Variants in EML5 observed in about 807,000 individuals in gnomAD.
EML5 encodes echinoderm microtubule-associated protein-like 5.
Under a neutral mutation model 250.0 loss-of-function variants are expected in EML5, and 120 were observed. The observed-to-expected ratio is 0.48, with a 90% CI of 0.41 to 0.56. The LOEUF (loss-of-function observed/expected upper bound fraction) is 0.56. EML5 is among the 20% of genes least tolerant of loss of function. The pLI is 0.00. For missense variants in EML5, 2,006 were observed against 2,437.6 expected (o/e 0.82, Z 3.73); for synonymous variants, 771 against 806.5 (o/e 0.96, Z 0.75).
In EML5 at chr14:88,638,225, G is replaced by T. The variant is rs1254431547; in HGVS notation, c.4336+584C>A. Among the ~76,000 whole-genome samples the T allele has an allele frequency of 2.6e-5, 4 of 152,186 alleles. No individual in the cohort carries two copies. In the East Asian group the frequency reaches 7.7e-4, roughly 29 times the overall value. ...AAACAGACCTGCCATCCTCTCATCA[G>T]TTTGGCTGTAGAGTTATGGCCTTTG... On this transcript the variant is annotated intron_variant, in intron 32 of 43. Coordinates refer to ENST00000554922, the MANE Select transcript of EML5 (RefSeq NM_183387.3).
intron 1 of EML5, among the ~76,000 whole-genome samples, chr14:88,778,953 A>C (rs1039939424): frequency 1.3e-5 from 2 of 152,144 alleles, no homozygotes; most frequent in Non-Finnish European, 2.9e-5. Context: ...CTTTCAAATG[A>C]GTTAGGAGCC....
At chr14:88,702,083 A>G (rs2093223465) in intron 14 of EML5, among the ~76,000 whole-genome samples, 1 of 152,172 alleles carries the variant, frequency 6.6e-6, no homozygotes, top group Non-Finnish European at 1.5e-5. Flanking sequence ...GGTTTGTCAC[A>G]GGACATTTGT....
chr14:88,645,250 T>C (rs2091291115), intron 29 of EML5, among the ~76,000 whole-genome samples: 1 of 152,184 alleles, frequency 6.6e-6, no homozygotes, highest in South Asian at 2.1e-4. Flanking sequence ...GGTTTGGAAT[T>C]CCTGGCCTCA....
chr14:88,708,329 C>A (rs544647732), intron 10 of EML5, among the ~76,000 whole-genome samples: 6 of 152,120 alleles, frequency 3.9e-5, no homozygotes, highest in Admixed American at 1.3e-4. Context: ...TCTGTGATTA[C>A]CCCTTGTGAT....
chr14:88,656,309 C>T (rs28411260), intron 27 of EML5, among the ~76,000 whole-genome samples: 1 of 152,112 alleles, frequency 6.6e-6, no homozygotes, highest in Admixed American at 6.6e-5. Flanking sequence ...GAGTTCATGT[C>T]CTTTGCAGGG....
intron 32 of EML5, among the ~76,000 whole-genome samples, chr14:88,636,207 T>C (rs2090715991): frequency 6.6e-6 from 1 of 152,042 alleles, no homozygotes; most frequent in South Asian, 2.1e-4. Context: ...GCAGGGCCAT[T>C]AGTAGGTTCA....
At chr14:88,635,112 T>C (rs1877087082) in intron 32 of EML5, among the ~76,000 whole-genome samples, 1 of 152,162 alleles carries the variant, frequency 6.6e-6, no homozygotes, top group Admixed American at 6.5e-5. Flanking sequence ...GTGGTAGAAA[T>C]ACCTAATAAC....
intron 10 of EML5, among the ~76,000 whole-genome samples, chr14:88,710,045 C>T (rs761542688): frequency 1.3e-5 from 2 of 152,134 alleles, no homozygotes; most frequent in African/African-American, 2.4e-5. Context: ...GATGGGCTAA[C>T]GTAACTCTGC....
intron 3 of EML5, among the ~76,000 whole-genome samples, chr14:88,745,167 T>TTGTTTGTTTGTGTGTGTGTG (rs148282706): frequency 0.04 from 5,824 of 145,174 alleles, 160 homozygotes; most frequent in African/African-American, 0.076. Flanking sequence ...AATTGTGTGT[T>TTGTTTGTTTGTGTGTGTGTG]TGTGTGTGTG....
intron 10 of EML5, among the ~76,000 whole-genome samples, chr14:88,709,433 G>C (rs967437997): frequency 6.6e-6 from 1 of 151,548 alleles, no homozygotes; most frequent in Non-Finnish European, 1.5e-5. Context: ...CAGAAAATAG[G>C]AAAGAGATAT....
In EML5 at chr14:88,702,588, A is replaced by G. The variant is rs2093236573; in HGVS notation, c.2096T>C (p.Ile699Thr). The G allele has an allele frequency of 1.9e-6, 3 of 1,610,096 alleles. No homozygotes were observed. The highest frequency in any genetic ancestry group is 2.5e-6 in the Non-Finnish European group (3 of 1,178,032). The change falls in exon 14 of 44, where the codon ATT becomes ACT. Residue 699 changes from isoleucine (I) to threonine (T), a missense_variant. Transcript: ENST00000554922. ...DCRSNLFYTQ[I>T]GEIVYHVAAV... The stretch of plus-strand genomic sequence containing the variant: ...TGCCACATGGTACACAATTTCACCA[A>G]TTTGAGTATAAAACAGATTACTTCG...
rs762807403 is a variant in EML5 at position 88,712,378 on chromosome 14, T to A, written c.1550A>T (p.Asp517Val). ...EVNGIWPKYS[D>V]INDINSVDGN... The stretch of plus-strand genomic sequence containing the variant: ...ATCTACTGAATTTATATCGTTGATA[T>A]CTGAATACTTGGGCCAAATTCCATT... Residue 517 changes from aspartate (D) to valine (V), a missense_variant, in exon 10 of 44, where the codon GAT becomes GTT. Asp to Val is a radical substitution (Grantham distance 152). This residue lies in a region of EML5 where 1,375 missense variants were observed against 1,590.3 expected (regional missense o/e 0.86). Coordinates refer to ENST00000554922, the MANE Select transcript of EML5 (RefSeq NM_183387.3). The A allele has an allele frequency of 2.5e-6, 4 of 1,613,574 alleles. No homozygotes were observed. The South Asian group carries it at 4.4e-5, about 18-fold the overall frequency.
intron 1 of EML5, among the ~76,000 whole-genome samples, chr14:88,763,560 C>T (rs1337136138): frequency 6.6e-6 from 1 of 152,048 alleles, no homozygotes; most frequent in Non-Finnish European, 1.5e-5. Context: ...GATTCACAGC[C>T]GAATTCTATC....
chr14:88,714,957 G>T lies in EML5; in HGVS notation c.1426C>A (p.Leu476Ile), dbSNP rs371746081. 4 of 1,612,250 alleles carry T rather than the reference G, an allele frequency of 2.5e-6. No individual in the cohort carries two copies. The African/African-American group carries it at 5.3e-5, about 22-fold the overall frequency. Residue 476 changes from leucine (L) to isoleucine (I), a missense_variant, in exon 9 of 44, where the codon CTT becomes ATT. By Grantham distance (5) the Leu-to-Ile change is conservative. This residue lies in a region of EML5 where 1,375 missense variants were observed against 1,590.3 expected (regional missense o/e 0.86). Coordinates refer to ENST00000554922, the MANE Select transcript of EML5 (RefSeq NM_183387.3). ...TTGTTACCTGGCATTCTATAAAAAAGTCTTTTCCCATTTCCATCATTTGTC... is the reference window on the plus strand; with the variant it reads ...TTGTTACCTGGCATTCTATAAAAAATTCTTTTCCCATTTCCATCATTTGTC... The part of the protein sequence containing the change: ...LQTNDGNGKR[L>I]FYRMPGGKEV...
intron 40 of EML5, 22 bp from the exon 41 acceptor site, chr14:88,618,353 GGACAAGAATTCCATTAGGTGAGA>G: frequency 2.5e-6 from 4 of 1,602,022 alleles, no homozygotes; most frequent in Non-Finnish European, 3.4e-6. Flanking sequence ...GATTAAAATG[GGACAAGAATTCCATTAGGTGAGA>G]GACAAAATCC....
intron 8 of EML5, among the ~76,000 whole-genome samples, chr14:88,725,570 T>C (rs1405849296): frequency 2.0e-5 from 3 of 152,112 alleles, no homozygotes; most frequent in Non-Finnish European, 4.4e-5. Flanking sequence ...GCTGGAAAGA[T>C]GGGCACTACA....
intron 13 of EML5, 38 bp from the exon 14 acceptor site, chr14:88,702,670 C>A: frequency 7.0e-7 from 1 of 1,432,594 alleles, no homozygotes; most frequent in Non-Finnish European, 9.3e-7. Flanking sequence ...TTAATTTTGG[C>A]CTTTTATCTG....
intron 31 of EML5, among the ~76,000 whole-genome samples, chr14:88,639,928 A>G (rs2090965010): frequency 6.6e-6 from 1 of 152,140 alleles, no homozygotes; most frequent in Non-Finnish European, 1.5e-5. Context: ...TTCATCTGGT[A>G]GTAGTAACAG....
At chr14:88,748,370 C>T (rs187389533) in intron 2 of EML5, among the ~76,000 whole-genome samples, 32 of 152,248 alleles carry the variant, frequency 2.1e-4, no homozygotes, top group East Asian at 7.7e-4. Flanking sequence ...TCTTTGAACT[C>T]GCTGGGCAGT....
Sources: gnomAD v4.1 joint callset for allele counts (sites outside exome capture counted in the v4.1 genomes callset) on GRCh38, gnomAD v4.1.1 for gene constraint, gnomAD v4.1.1 regional missense constraint, MANE v1.5 for transcripts, NCBI Gene and HGNC (gene_info 2026-07-23, HGNC 2026-07-21) for gene names.